ZNF530: variants seen among roughly 807,000 people sequenced by gnomAD.
ZNF530 encodes zinc finger protein 530.
A neutral mutation model predicts 2.8 loss-of-function variants in ZNF530; 5 were observed. That is an observed-to-expected ratio of 1.80 (90% CI 0.94 to 3.78). ZNF530 has a LOEUF of 3.78. Among genes scored for constraint, ZNF530 ranks in the 30% most tolerant of loss-of-function variants. The probability of loss-of-function intolerance (pLI) is 0.00; values close to 1 mark genes in which losing one functional copy is unlikely to be tolerated. For synonymous variants in ZNF530, 229 were observed against 235.0 expected (o/e 0.97, Z 0.23); for missense variants, 619 against 673.3 (o/e 0.92, Z 0.89).
In ZNF530 at chr19:57,609,044, A is replaced by C. The variant is rs1402132770; in HGVS notation, c.*1719A>C. 6.6e-6 allele frequency: 1 copy of C among 150,562 alleles called. No individual in the cohort carries two copies. Among genetic ancestry groups the C allele is most frequent in the East Asian group, 1.9e-4 (1 of 5,140 alleles). 9.3% of individuals were successfully genotyped at this position (150,562 alleles called of 1,614,324 possible). A position where few individuals can be genotyped will look rare whatever the true frequency, so the allele number is the denominator to read the frequency against. ...CTCAAAAAAAAAAAAAAAAAGATCCATTCAGGCCAGTCACAGTGGCTCATG... is the reference window on the plus strand; with the variant it reads ...CTCAAAAAAAAAAAAAAAAAGATCCCTTCAGGCCAGTCACAGTGGCTCATG... On this transcript the variant is annotated 3_prime_UTR_variant, in exon 4 of 4. Transcript: ENST00000597700.
At chr19:57,602,278 C>T (rs376549850) in intron 2 of ZNF530, among the ~76,000 whole-genome samples, 18 of 152,272 alleles carry the variant, frequency 1.2e-4, no homozygotes, top group African/African-American at 4.1e-4. Flanking sequence ...TCTATTCTTA[C>T]AAAAGCATTA....
chr19:57,612,446 G>C (rs928516265), downstream of ZNF530: 7 of 400,414 alleles, frequency 1.7e-5, no homozygotes, highest in Non-Finnish European at 3.1e-5. Flanking sequence ...CAGCATCCCT[G>C]TTCACCTTAA....
At chr19:57,603,638 C>T (rs1980353549) in intron 2 of ZNF530, among the ~76,000 whole-genome samples, 1 of 152,144 alleles carries the variant, frequency 6.6e-6, no homozygotes, top group Non-Finnish European at 1.5e-5. Context: ...TGGAAAGGGC[C>T]ATGTGTATCT....
rs1275395549 is a variant in ZNF530, at chr19:57,609,362, C to T, written c.*2037C>T. The stretch of plus-strand genomic sequence containing the variant: ...AAAAAAGGCTGGGCGTGGTGGCTCA[C>T]GCCTGTAATCCCAGCACTTTAGGAG... On this transcript the variant is annotated 3_prime_UTR_variant, in exon 4 of 4. Coordinates refer to ENST00000597700, the MANE Select transcript of ZNF530 (RefSeq NM_001321981.2). 1.3e-5 allele frequency among the ~76,000 whole-genome samples: 2 copies of T among 151,876 alleles called. No homozygotes were observed. The highest frequency in any genetic ancestry group is 4.8e-5 in the African/African-American group (2 of 41,322).
At chr19:57,612,053 G>A (rs1171938786), downstream of ZNF530, among the ~76,000 whole-genome samples, 1 of 152,142 alleles carries the variant, frequency 6.6e-6, no homozygotes, top group East Asian at 1.9e-4. Flanking sequence ...TTCCTCCTGT[G>A]GCCCTGCATG....
chr19:57,612,671 A>C (rs1980919980), downstream of ZNF530: 2 of 395,708 alleles, frequency 5.1e-6, no homozygotes, highest in Non-Finnish European at 4.5e-6. Flanking sequence ...ACACAGTGAG[A>C]TCCTGTCTCC....
Position 57,607,406 on chromosome 19 carries a change from G to A in ZNF530, c.*81G>A. 7.2e-7 allele frequency: 1 copy of A among 1,388,940 alleles called. No homozygotes were observed. The highest frequency in any genetic ancestry group is 2.3e-5 in the Admixed American group (1 of 43,232). 86.0% of individuals were successfully genotyped at this position (1,388,940 alleles called of 1,614,324 possible). On this transcript the variant is annotated 3_prime_UTR_variant, in exon 4 of 4. Transcript: ENST00000597700. ...GTCACCCAGGCTGGAGTGCAATTGT[G>A]CAATCTCAGCTCACTGCAACCTCCG...
chr19:57,603,353 A>T (rs745887489), intron 2 of ZNF530, among the ~76,000 whole-genome samples: 1 of 152,238 alleles, frequency 6.6e-6, no homozygotes, highest in Admixed American at 6.5e-5. Flanking sequence ...CAGCCAAACC[A>T]TATTAGAGAC....
chr19:57,601,610 G>A (rs1980244548), intron 2 of ZNF530, among the ~76,000 whole-genome samples: 1 of 152,218 alleles, frequency 6.6e-6, no homozygotes, highest in Admixed American at 6.5e-5. Context: ...GAAGGGTGCA[G>A]GATAGAGACT....
intron 2 of ZNF530, among the ~76,000 whole-genome samples, chr19:57,602,100 T>A (rs1980270546): frequency 6.6e-6 from 1 of 152,034 alleles, no homozygotes; most frequent in African/African-American, 2.4e-5. Flanking sequence ...ACAACAAAAA[T>A]TTGTTTCTCA....
intron 2 of ZNF530, 95 bp from the exon 3 acceptor site, chr19:57,604,182 T>G: frequency 6.4e-7 from 1 of 1,569,052 alleles, no homozygotes; most frequent in East Asian, 2.3e-5. Context: ...GGTGGGGAGA[T>G]GGGGAGGAGG....
downstream of ZNF530, among the ~76,000 whole-genome samples, chr19:57,610,430 G>A (rs1228597065): frequency 2.0e-5 from 3 of 151,858 alleles, no homozygotes; most frequent in South Asian, 2.1e-4. Context: ...GTGTGTGTGT[G>A]TGTGTGTGTG....
At position 57,609,802 on chromosome 19, in the gene ZNF530, A is replaced by G. The variant is rs1397858344; in HGVS notation, c.*2477A>G. ...CTGTTTACTTCAAGGCCATTGCTGC[A>G]CAGACAAAAAAAAAAAAGGATGAAG... On this transcript the variant is annotated 3_prime_UTR_variant, in exon 4 of 4. Coordinates refer to ENST00000597700, the MANE Select transcript of ZNF530 (RefSeq NM_001321981.2). Among the ~76,000 whole-genome samples the G allele has an allele frequency of 6.6e-6, 1 of 152,030 alleles. No individual in the cohort carries two copies. Among genetic ancestry groups the G allele is most frequent in the Non-Finnish European group, 1.5e-5 (1 of 68,010 alleles).
chr19:57,606,937 C>T lies in ZNF530; in HGVS notation c.1313C>T (p.Ser438Leu). The T allele has an allele frequency of 1.2e-6, 2 of 1,613,800 alleles. No homozygotes were observed. Among genetic ancestry groups the T allele is most frequent in the South Asian group, 1.1e-5 (1 of 91,058 alleles). ...KPYECSECEK[S>L]FSCKTDLIRH... is the part of the protein sequence containing the mutation. ...TATGAGTGCAGTGAATGTGAAAAAT[C>T]ATTTAGTTGCAAAACTGACCTCATT... Residue 438 changes from serine to leucine, a missense_variant, in exon 4 of 4, where the codon TCA becomes TTA. By Grantham distance (145) the Ser-to-Leu change is moderately radical (BLOSUM62 -2). Coordinates refer to ENST00000597700, the MANE Select transcript of ZNF530 (RefSeq NM_001321981.2).
chr19:57,611,742 A>G (rs1406734665), downstream of ZNF530, among the ~76,000 whole-genome samples: 1 of 144,052 alleles, frequency 6.9e-6, no homozygotes, highest in Non-Finnish European at 1.5e-5. Context: ...CCTGTCCTTC[A>G]CCCAATGAGA....
intron 3 of ZNF530, 89 bp downstream of exon 3, chr19:57,604,495 C>G: frequency 1.3e-6 from 2 of 1,514,830 alleles, no homozygotes; most frequent in Non-Finnish European, 1.8e-6. Context: ...TTCAGTTAGA[C>G]CCTGAGCTCT....
chr19:57,606,646 C>T lies in ZNF530; in HGVS notation c.1022C>T (p.Thr341Ile). ...TNLFRHWRVH[T>I]GVRPYECSEC... ...CTCTTTCGACACTGGAGAGTTCACA[C>T]TGGAGTAAGGCCTTATGAGTGTAGT... The change falls in exon 4 of 4, where the codon ACT becomes ATT. Residue 341 changes from threonine (T) to isoleucine (I), a missense_variant. Physicochemically the swap from Thr to Ile is moderately conservative, Grantham distance 89. Coordinates refer to ENST00000597700, the MANE Select transcript of ZNF530 (RefSeq NM_001321981.2). The T allele has an allele frequency of 6.2e-7, 1 of 1,614,104 alleles. No homozygotes were observed. Among genetic ancestry groups the T allele is most frequent in the Non-Finnish European group, 8.5e-7 (1 of 1,180,012 alleles).
intron 1 of ZNF530, 142 bp from the exon 2 acceptor site, chr19:57,600,586 G>A (rs1184817679): frequency 1.2e-5 from 2 of 162,662 alleles, no homozygotes; most frequent in African/African-American, 4.8e-5. Context: ...CACAAAGCTG[G>A]TAAAAGTCAG....
chr19:57,604,155 C>T (rs1980379509), intron 2 of ZNF530, 122 bp from the exon 3 acceptor site: 1 of 1,380,800 alleles, frequency 7.2e-7, no homozygotes. Flanking sequence ...GGCATCAGGG[C>T]CTGTTGTATT....
Sources: allele counts gnomAD v4.1 joint callset (sites outside exome capture counted in the v4.1 genomes callset), GRCh38; gene constraint gnomAD v4.1.1; transcripts MANE v1.5; gene names NCBI Gene and HGNC (gene_info 2026-07-23, HGNC 2026-07-21).